NCAM1: variants seen among roughly 807,000 people sequenced by gnomAD.
NCAM1 encodes the protein neural cell adhesion molecule 1, also known as antigen recognized by monoclonal antibody 5.1H11.
Under a neutral mutation model 109.8 loss-of-function variants are expected in NCAM1, and 14 were observed. That is an observed-to-expected ratio of 0.13 (90% CI 0.08 to 0.20). NCAM1 has a LOEUF of 0.20. Ranked by LOEUF, NCAM1 falls within the 10% of genes least tolerant of loss-of-function variation. The pLI is 1.00. For synonymous variants in NCAM1, 418 were observed against 442.9 expected (o/e 0.94, Z 0.70); for missense variants, 774 against 1,109.9 (o/e 0.70, Z 4.30).
intron 1 of NCAM1, among the ~76,000 whole-genome samples, chr11:113,014,029 G>T (rs561343177): frequency 6.6e-6 from 1 of 151,906 alleles, no homozygotes; most frequent in South Asian, 2.1e-4. Flanking sequence ...TTTATTCTTT[G>T]TTAAGAAATA....
At chr11:113,117,070 C>T (rs1940744587) in intron 1 of NCAM1, among the ~76,000 whole-genome samples, 1 of 151,868 alleles carries the variant, frequency 6.6e-6, no homozygotes, top group Non-Finnish European at 1.5e-5. Context: ...AATTGGCCTT[C>T]AATATTTCAT....
intron 1 of NCAM1, among the ~76,000 whole-genome samples, chr11:113,146,353 G>A (rs1446306548): frequency 2.6e-5 from 4 of 152,150 alleles, no homozygotes; most frequent in Non-Finnish European, 5.9e-5. Context: ...GATAAAATGG[G>A]TAATGTAATG....
intron 1 of NCAM1, among the ~76,000 whole-genome samples, chr11:113,144,776 T>TG (rs1419034516): frequency 4.6e-5 from 7 of 152,222 alleles, no homozygotes; most frequent in African/African-American, 1.7e-4. Context: ...ACAGTACATG[T>TG]GTCAAAGAGT....
At chr11:113,030,550 G>A (rs1018266192) in intron 1 of NCAM1, among the ~76,000 whole-genome samples, 2 of 152,128 alleles carry the variant, frequency 1.3e-5, no homozygotes, top group Non-Finnish European at 2.9e-5. Flanking sequence ...TTATTCTCCT[G>A]TTTAGTTTTT....
chr11:113,080,194 A>G (rs1938728857), intron 1 of NCAM1, among the ~76,000 whole-genome samples: 1 of 152,192 alleles, frequency 6.6e-6, no homozygotes, highest in Admixed American at 6.5e-5. Flanking sequence ...GGCAGAAGAT[A>G]ATACACCCTA....
At position 113,019,099 on chromosome 11, in the gene NCAM1, G is replaced by C. The variant is rs575947110; in HGVS notation, c.52+57435G>C. ...AGTGATACTCGGTCATGGTTAGGGA[G>C]AGGTGATGCTTCCTGTGTCACTATA... On this transcript the variant is annotated intron_variant, in intron 1 of 19. Transcript: ENST00000316851. Among the ~76,000 whole-genome samples the C allele has an allele frequency of 7.2e-5, 11 of 152,206 alleles. No individual in the cohort carries two copies. The East Asian group carries it at 2.1e-3, about 29-fold the overall frequency.
intron 1 of NCAM1, among the ~76,000 whole-genome samples, chr11:113,028,247 G>T (rs1348176464): frequency 6.6e-6 from 1 of 151,988 alleles, no homozygotes; most frequent in Admixed American, 6.6e-5. Flanking sequence ...ACCCTGATTT[G>T]GTCATTATAC....
At chr11:113,185,084 A>AGAGT (rs1943468470) in intron 1 of NCAM1, among the ~76,000 whole-genome samples, 1 of 130,396 alleles carries the variant, frequency 7.7e-6, no homozygotes, top group South Asian at 2.5e-4. Context: ...ATATATAGAG[A>AGAGT]GAGAGAGAGA....
Position 113,203,256 on chromosome 11 carries a change from G to A in NCAM1, c.127+803G>A, listed in dbSNP as rs556997740. 2.0e-5 allele frequency among the ~76,000 whole-genome samples: 3 copies of A among 152,360 alleles called. No individual in the cohort carries two copies. In the East Asian group the frequency reaches 5.8e-4, roughly 29 times the overall value. Reference sequence around the variant, plus strand: ...AAATGCTGTCATGATTTGCGTGGACGAGGTGGCTTGTGGCCGTCGGATGTG... The same window carrying A: ...AAATGCTGTCATGATTTGCGTGGACAAGGTGGCTTGTGGCCGTCGGATGTG... On this transcript the variant is annotated intron_variant, in intron 2 of 19. Coordinates refer to ENST00000316851, the MANE Select transcript of NCAM1 (RefSeq NM_181351.5).
chr11:113,105,758 T>G (rs1400210604), intron 1 of NCAM1, among the ~76,000 whole-genome samples: 2 of 152,192 alleles, frequency 1.3e-5, no homozygotes, highest in Non-Finnish European at 2.9e-5. Context: ...TGCCAGAAGC[T>G]AGGCAGGGAG....
chr11:113,110,074 G>A (rs117501297), intron 1 of NCAM1, among the ~76,000 whole-genome samples: 1,882 of 152,206 alleles, frequency 0.012, 18 homozygotes, highest in Middle Eastern at 0.061. Context: ...GCTAATAGTC[G>A]TGTTTTTAAT....
intron 1 of NCAM1, among the ~76,000 whole-genome samples, chr11:112,965,390 G>C (rs1950705375): frequency 6.6e-6 from 1 of 152,016 alleles, no homozygotes; most frequent in Non-Finnish European, 1.5e-5. Context: ...CAGTGCTTCT[G>C]TTTGGAATCC....
chr11:113,224,802 T>C (rs1555115917), intron 9 of NCAM1, among the ~76,000 whole-genome samples: 1 of 152,244 alleles, frequency 6.6e-6, no homozygotes, highest in Non-Finnish European at 1.5e-5. Flanking sequence ...CAGCCTCCGC[T>C]GCTGATACCC....
At chr11:113,234,955 AC>A in intron 13 of NCAM1, 77 bp from the exon 14 acceptor site, 1 of 1,455,132 alleles carries the variant, frequency 6.9e-7, no homozygotes, top group Non-Finnish European at 9.1e-7. Context: ...TTTTTTCAGG[AC>A]CCTCCCTACT....
In NCAM1 at chr11:113,260,236, G is replaced by A. The variant is rs782620667; in HGVS notation, c.2044G>A (p.Val682Ile). 1.7e-5 allele frequency: 28 copies of A among 1,613,866 alleles called. No individual in the cohort carries two copies. Among genetic ancestry groups the A allele is most frequent in the African/African-American group, 2.7e-5 (2 of 74,918 alleles). The change falls in exon 17 of 20, where the codon GTC becomes ATC. Residue 682 changes from valine (V) to isoleucine (I), a missense_variant. This residue lies in a region of NCAM1 where 523 missense variants were observed against 784.2 expected (regional missense o/e 0.67). Coordinates refer to ENST00000316851, the MANE Select transcript of NCAM1 (RefSeq NM_181351.5). ...CCTGGACTGGAATGCTGAGTATGAG[G>A]TCTACGTGGTGGCTGAGAACCAGCA... ...KSLDWNAEYE[V>I]YVVAENQQGK...
intron 1 of NCAM1, among the ~76,000 whole-genome samples, chr11:113,017,601 T>C (rs1440426952): frequency 2.1e-5 from 3 of 139,868 alleles, no homozygotes; most frequent in Admixed American, 7.9e-5. Flanking sequence ...ATTATACTTT[T>C]ATGTTGATAA....
chr11:113,143,335 C>A (rs894890676), intron 1 of NCAM1, among the ~76,000 whole-genome samples: 1 of 152,188 alleles, frequency 6.6e-6, no homozygotes, highest in Non-Finnish European at 1.5e-5. Flanking sequence ...TCCCATCTCA[C>A]ATGAAGGATG....
intron 1 of NCAM1, among the ~76,000 whole-genome samples, chr11:113,068,003 T>C (rs1183229269): frequency 2.0e-5 from 3 of 149,178 alleles, no homozygotes; most frequent in Admixed American, 1.4e-4. Flanking sequence ...CTCTGCCTCC[T>C]GGGTTCACGC....
intron 14 of NCAM1, among the ~76,000 whole-genome samples, chr11:113,241,039 G>A (rs1432548845): frequency 6.6e-6 from 1 of 152,176 alleles, no homozygotes; most frequent in Non-Finnish European, 1.5e-5. Flanking sequence ...AAGGAGAGGC[G>A]AGGGAAAAGC....
Sources: allele counts gnomAD v4.1 joint callset (sites outside exome capture counted in the v4.1 genomes callset), GRCh38; gene constraint gnomAD v4.1.1; regional missense constraint gnomAD v4.1.1; transcripts MANE v1.5; gene names NCBI Gene and HGNC (gene_info 2026-07-23, HGNC 2026-07-21).